Variants in PLEKHM3 observed in about 807,000 individuals in gnomAD.
PLEKHM3 encodes pleckstrin homology domain containing M3.
In PLEKHM3, 45 loss-of-function variants were observed where a neutral mutation model predicts 81.8. The observed-to-expected ratio is 0.55, with a 90% confidence interval of 0.43 to 0.71. The LOEUF is 0.71. Among genes scored for constraint, PLEKHM3 ranks in the 30% least tolerant of loss-of-function variants. PLEKHM3 has a pLI of 0.00. For missense variants in PLEKHM3, 788 were observed against 924.3 expected (o/e 0.85, Z 1.91); for synonymous variants, 352 against 356.4 (o/e 0.99, Z 0.14).
intron 6 of PLEKHM3, among the ~76,000 whole-genome samples, chr2:207,866,610 T>C (rs1021407649): frequency 2.0e-5 from 3 of 152,222 alleles, no homozygotes; most frequent in Non-Finnish European, 4.4e-5. Flanking sequence ...ATATTAGCCA[T>C]CCAAACTCAT....
At chr2:208,020,070 G>C (rs1693074711) in intron 1 of PLEKHM3, among the ~76,000 whole-genome samples, 1 of 152,154 alleles carries the variant, frequency 6.6e-6, no homozygotes, top group South Asian at 2.1e-4. Flanking sequence ...TTTGTTCTGT[G>C]ACTGAAAAAT....
intron 3 of PLEKHM3, among the ~76,000 whole-genome samples, chr2:207,955,118 AGTATAATG>A (rs1430313762): frequency 1.3e-5 from 2 of 152,214 alleles, no homozygotes; most frequent in African/African-American, 4.8e-5. Context: ...AAAAGTTGTA[AGTATAATG>A]ATCTGTAATA....
intron 3 of PLEKHM3, among the ~76,000 whole-genome samples, chr2:207,948,537 A>ATTTTTTTTTTTTTTT (rs1459443461): frequency 1.1e-5 from 1 of 91,826 alleles, no homozygotes; most frequent in Non-Finnish European, 2.2e-5. Context: ...TGTATTTTCT[A>ATTTTTTTTTTTTTTT]TTTTTTTTGT....
chr2:207,838,468 G>GTTAA (rs1246254669), intron 7 of PLEKHM3, among the ~76,000 whole-genome samples: 1 of 152,168 alleles, frequency 6.6e-6, no homozygotes, highest in Non-Finnish European at 1.5e-5. Context: ...GTAAATAAGG[G>GTTAA]TTAATTAATT....
chr2:207,874,338 G>A (rs921447826), intron 6 of PLEKHM3, among the ~76,000 whole-genome samples: 1 of 152,230 alleles, frequency 6.6e-6, no homozygotes, highest in Admixed American at 6.5e-5. Context: ...ACCTTGGGAG[G>A]CCGAGGTGGG....
intron 7 of PLEKHM3, among the ~76,000 whole-genome samples, chr2:207,850,274 T>C (rs761146618): frequency 2.6e-5 from 4 of 152,278 alleles, no homozygotes; most frequent in South Asian, 2.1e-4. Context: ...ATTCAAACCA[T>C]AGCAAATGCC....
chr2:207,837,624 A>G (rs1180976569), intron 7 of PLEKHM3, among the ~76,000 whole-genome samples: 14 of 126,388 alleles, frequency 1.1e-4, no homozygotes, highest in Admixed American at 2.6e-4. Flanking sequence ...AAATTACAAT[A>G]GTTCTCCCTT....
intron 5 of PLEKHM3, among the ~76,000 whole-genome samples, chr2:207,909,618 G>C (rs1688747427): frequency 6.6e-6 from 1 of 152,096 alleles, no homozygotes; most frequent in South Asian, 2.1e-4. Flanking sequence ...TTATGCATGG[G>C]GTCCATATTT....
intron 1 of PLEKHM3, among the ~76,000 whole-genome samples, chr2:208,014,271 T>C (rs1033975936): frequency 1.3e-5 from 2 of 152,216 alleles, no homozygotes; most frequent in Non-Finnish European, 1.5e-5. Context: ...GTCATTTAAC[T>C]ATACACAAAT....
chr2:207,886,989 C>T (rs901804936), intron 6 of PLEKHM3, among the ~76,000 whole-genome samples: 1 of 152,180 alleles, frequency 6.6e-6, no homozygotes, highest in African/African-American at 2.4e-5. Flanking sequence ...AAATAATACC[C>T]ACTTCACAGG....
intron 3 of PLEKHM3, among the ~76,000 whole-genome samples, chr2:207,948,831 C>A (rs917038622): frequency 2.0e-5 from 3 of 152,206 alleles, no homozygotes; most frequent in Non-Finnish European, 4.4e-5. Context: ...GCGTGAGCCA[C>A]CGCGCCTGGC....
At position 207,843,994 on chromosome 2, in the gene PLEKHM3, G is replaced by T. The variant is rs1253357626; in HGVS notation, c.2109-15498C>A. Among the ~76,000 whole-genome samples the T allele has an allele frequency of 6.6e-6, 1 of 151,972 alleles. No individual in the cohort carries two copies. The highest frequency in any genetic ancestry group is 1.5e-5 in the Non-Finnish European group (1 of 67,984). On this transcript the variant is annotated intron_variant, in intron 7 of 7. Transcript: ENST00000427836. The surrounding 1 kb of genome is among the most constrained non-coding windows in gnomAD (Gnocchi z 4.4). ...GTTACCTGGGAGGCTGAGGCTGGAG[G>T]GTCACCTAAGCCTGGGAGGTGGAGG...
At chr2:207,835,375 C>T (rs915807372) in intron 7 of PLEKHM3, among the ~76,000 whole-genome samples, 1 of 152,148 alleles carries the variant, frequency 6.6e-6, no homozygotes, top group African/African-American at 2.4e-5. Flanking sequence ...TCACAGGGGT[C>T]TTGGGTAAGT....
intron 2 of PLEKHM3, among the ~76,000 whole-genome samples, chr2:207,985,300 G>C (rs769389408): frequency 6.6e-6 from 1 of 151,536 alleles, no homozygotes; most frequent in Non-Finnish European, 1.5e-5. Context: ...ATTCCTGAAG[G>C]CTTTCTTCAT....
chr2:207,953,377 T>G (rs530393277), intron 3 of PLEKHM3, among the ~76,000 whole-genome samples: 1 of 139,888 alleles, frequency 7.1e-6, no homozygotes, highest in South Asian at 2.3e-4. Flanking sequence ...AAAATTCATT[T>G]CTGTTCATCA....
intron 6 of PLEKHM3, among the ~76,000 whole-genome samples, chr2:207,880,773 A>AAAAAAAAAAAAAC (rs2092586011): frequency 7.7e-6 from 1 of 129,582 alleles, no homozygotes; most frequent in Non-Finnish European, 1.6e-5. Flanking sequence ...AAAAAAAAAA[A>AAAAAAAAAAAAAC]AAAAAAAAAA....
rs953958954 is a variant in PLEKHM3, at chr2:208,001,926, G to C, written c.-287C>G. 1.0e-4 allele frequency: 40 copies of C among 393,552 alleles called. No homozygotes were observed. The East Asian group carries it at 1.8e-3, about 17-fold the overall frequency. The allele number at this position is 393,552 out of a possible 1,614,324, so 24.4% of individuals were successfully genotyped here. The stretch of plus-strand genomic sequence containing the variant: ...TCTGTGAAGACAACAGCAAGTACTT[G>C]TCAAAGCAATGCCACGCCAATCCTT... On this transcript the variant is annotated 5_prime_UTR_variant, in exon 2 of 8. Coordinates refer to ENST00000427836, the MANE Select transcript of PLEKHM3 (RefSeq NM_001080475.3).
At chr2:208,021,679 T>C (rs1028946270) in intron 1 of PLEKHM3, among the ~76,000 whole-genome samples, 2 of 152,196 alleles carry the variant, frequency 1.3e-5, no homozygotes, top group Non-Finnish European at 2.9e-5. Flanking sequence ...ATTTTGAAAA[T>C]ACGAAAGAGA....
intron 6 of PLEKHM3, among the ~76,000 whole-genome samples, chr2:207,874,218 TG>T (rs2092549447): frequency 1.3e-5 from 2 of 152,166 alleles, no homozygotes; most frequent in African/African-American, 4.8e-5. Flanking sequence ...TAAATGATGT[TG>T]GGGCAAGTTG....
Sources: allele counts gnomAD v4.1 joint callset (sites outside exome capture counted in the v4.1 genomes callset), GRCh38; gene constraint gnomAD v4.1.1; non-coding constraint Gnocchi (gnomAD v3.1); transcripts MANE v1.5; gene names NCBI Gene and HGNC (gene_info 2026-07-23, HGNC 2026-07-21).